Variants in CELF5 observed in about 807,000 individuals in gnomAD.
CELF5 encodes the protein CUG-BP and ETR-3 like factor 5.
Under a neutral mutation model 54.9 loss-of-function variants are expected in CELF5, and 6 were observed. That is an observed-to-expected ratio of 0.11 (90% confidence interval 0.06 to 0.22). The LOEUF is 0.22. Among genes scored for constraint, CELF5 ranks in the 10% least tolerant of loss-of-function variants. The pLI is 1.00. For missense variants in CELF5, 401 were observed against 678.6 expected (o/e 0.59, Z 4.54); for synonymous variants, 271 against 290.9 (o/e 0.93, Z 0.70).
intron 5 of CELF5, among the ~76,000 whole-genome samples, chr19:3,279,499 G>A (rs570531632): frequency 2.6e-5 from 4 of 152,150 alleles, no homozygotes; most frequent in Non-Finnish European, 5.9e-5. Context: ...CCAGGACAGG[G>A]CTGGTAGGCG....
rs2080384027 is a variant in CELF5 at position 3,293,443 on chromosome 19, C to T, written c.1455C>T (p.Tyr485=). The T allele has an allele frequency of 2.5e-6, 4 of 1,614,022 alleles. No homozygotes were observed. The East Asian group carries it at 6.7e-5, about 27-fold the overall frequency. ...LKRPKDPGHP[Y] ...GGCCCAAAGACCCGGGACACCCCTA[C>T]TGACCGCGCCCACAGCCGCCCTGAG... Residue 485 remains tyrosine (Y), a synonymous_variant, in exon 12 of 13, where the codon TAC becomes TAT. Transcript: ENST00000292672.
rs1440170549 is a variant in CELF5 at position 3,292,309 on chromosome 19, T to G, written c.1331-1010T>G. 2.0e-5 allele frequency among the ~76,000 whole-genome samples: 3 copies of G among 151,718 alleles called. No individual in the cohort carries two copies. In the East Asian group the frequency reaches 5.8e-4, roughly 29 times the overall value. ...AGGGTCAGCCCTTGACTTTGTTTTTTTTTTTTTTTTTGAAATGGAGTCTTG... is the reference window on the plus strand; with the variant it reads ...AGGGTCAGCCCTTGACTTTGTTTTTGTTTTTTTTTTTGAAATGGAGTCTTG... On this transcript the variant is annotated intron_variant, in intron 11 of 12. Transcript: ENST00000292672.
intron 1 of CELF5, among the ~76,000 whole-genome samples, chr19:3,227,795 C>A (rs903398578): frequency 4.6e-5 from 7 of 152,068 alleles, no homozygotes; most frequent in Admixed American, 2.6e-4. Context: ...CCCCATTACC[C>A]CCCCTGCCTT....
intron 1 of CELF5, among the ~76,000 whole-genome samples, chr19:3,245,358 C>CTG (rs892356674): frequency 5.3e-5 from 7 of 132,748 alleles, no homozygotes; most frequent in African/African-American, 1.4e-4. Flanking sequence ...GTGCATGCAT[C>CTG]TGTGTGTGTG....
At chr19:3,254,387 C>T (rs1327593081) in intron 2 of CELF5, among the ~76,000 whole-genome samples, 1 of 152,026 alleles carries the variant, frequency 6.6e-6, no homozygotes, top group Non-Finnish European at 1.5e-5. Context: ...TCCACCTACC[C>T]ACCCACACAT....
intron 1 of CELF5, among the ~76,000 whole-genome samples, chr19:3,248,849 T>TTCCTTC (rs2079602933): frequency 7.5e-6 from 1 of 132,648 alleles, no homozygotes; most frequent in East Asian, 2.3e-4. Flanking sequence ...CTTTTTTCTT[T>TTCCTTC]CTTTCTTCCT....
At position 3,268,043 on chromosome 19, in the gene CELF5, G is replaced by GT. The variant is rs2079907380; in HGVS notation, c.343-5829_343-5828insT. 6.6e-6 allele frequency among the ~76,000 whole-genome samples: 1 copy of GT among 152,126 alleles called. No homozygotes were observed. Among genetic ancestry groups the GT allele is most frequent in the African/African-American group, 2.4e-5 (1 of 41,422 alleles). ...AGATGGAGTCTCGCTCTGTCGCCCA[G>GT]GCTGGAGTGCAGTGATTTGATCTCA... is the stretch of plus-strand genomic sequence containing the variant. On this transcript the variant is annotated intron_variant, in intron 2 of 12. Coordinates refer to ENST00000292672, the MANE Select transcript of CELF5 (RefSeq NM_021938.4). This position sits in a 1 kb window ranked among gnomAD's most constrained non-coding sequence, Gnocchi z 4.4.
At chr19:3,225,486 T>C in intron 1 of CELF5, 2 of 118,248 alleles carry the variant, frequency 1.7e-5, no homozygotes, top group Non-Finnish European at 3.0e-5. Flanking sequence ...CCCCCATTCA[T>C]TCAGCCTCCC....
At chr19:3,245,245 CGTGT>C (rs750296387) in intron 1 of CELF5, among the ~76,000 whole-genome samples, 1 of 129,234 alleles carries the variant, frequency 7.7e-6, no homozygotes, top group Non-Finnish European at 1.6e-5. Flanking sequence ...TGCATCTGTG[CGTGT>C]GTATGTGGTG....
At chr19:3,236,527 A>G (rs970768215) in intron 1 of CELF5, among the ~76,000 whole-genome samples, 2 of 152,100 alleles carry the variant, frequency 1.3e-5, no homozygotes, top group Admixed American at 6.6e-5. Flanking sequence ...GGGGTTCGGG[A>G]TCAAAGGGGT....
chr19:3,262,953 A>G (rs1236832860), intron 2 of CELF5, among the ~76,000 whole-genome samples: 1 of 149,780 alleles, frequency 6.7e-6, no homozygotes, highest in Non-Finnish European at 1.5e-5. Flanking sequence ...AATTTTTAAA[A>G]ATTAAAAAAA....
chr19:3,291,367 A>G (rs1019857043), intron 11 of CELF5, among the ~76,000 whole-genome samples: 1 of 151,948 alleles, frequency 6.6e-6, no homozygotes, highest in African/African-American at 2.4e-5. Context: ...AGATCGAGAC[A>G]TCCTGGCTAA....
chr19:3,233,618 C>T (rs1917375752), intron 1 of CELF5, among the ~76,000 whole-genome samples: 1 of 152,180 alleles, frequency 6.6e-6, no homozygotes, highest in South Asian at 2.1e-4. Context: ...AGGACCACCA[C>T]ATCTGGTGTG....
chr19:3,235,490 ATAGATGGGTGGGTGGG>A (rs1917498303), intron 1 of CELF5, among the ~76,000 whole-genome samples: 1 of 10,516 alleles, frequency 9.5e-5, no homozygotes, highest in Non-Finnish European at 2.1e-4. Context: ...TCACGCGAGG[ATAGATGGGTGGGTGGG>A]TGGATGGATG....
At chr19:3,254,741 C>T (rs368006768) in intron 2 of CELF5, among the ~76,000 whole-genome samples, 22 of 151,090 alleles carry the variant, frequency 1.5e-4, no homozygotes, top group African/African-American at 5.4e-4. Context: ...GAGTCACTCA[C>T]TCATCTATCC....
At chr19:3,272,089 C>T (rs897995202) in intron 2 of CELF5, among the ~76,000 whole-genome samples, 14 of 152,148 alleles carry the variant, frequency 9.2e-5, no homozygotes, top group South Asian at 4.1e-4. Context: ...GGCATTTGGC[C>T]GGGTGCAGGG....
intron 2 of CELF5, among the ~76,000 whole-genome samples, chr19:3,256,523 C>G (rs10422137): frequency 6.7e-6 from 1 of 149,430 alleles, no homozygotes; most frequent in Non-Finnish European, 1.5e-5. Context: ...TGACTCAGGA[C>G]GGAGGTTTCA....
chr19:3,226,970 G>A (rs895120259), intron 1 of CELF5, among the ~76,000 whole-genome samples: 1 of 151,984 alleles, frequency 6.6e-6, no homozygotes, highest in East Asian at 1.9e-4. Flanking sequence ...TACCTCGGGG[G>A]TATTTCCCAT....
At chr19:3,274,495 C>T (rs1186613181) in intron 3 of CELF5, among the ~76,000 whole-genome samples, 1 of 152,126 alleles carries the variant, frequency 6.6e-6, no homozygotes, top group Non-Finnish European at 1.5e-5. Flanking sequence ...TGTGCCCAGC[C>T]CGCGCATGGG....
Sources: gnomAD v4.1 joint callset for allele counts (sites outside exome capture counted in the v4.1 genomes callset) on GRCh38, gnomAD v4.1.1 for gene constraint, Gnocchi (gnomAD v3.1) non-coding constraint, MANE v1.5 for transcripts, NCBI Gene and HGNC (gene_info 2026-07-23, HGNC 2026-07-21) for gene names.